Variants in GPR84 observed in about 807,000 individuals in gnomAD.
GPR84 encodes the protein G-protein coupled receptor 84.
GPR84 carries 8 observed loss-of-function variants against 14.9 expected under a neutral mutation model. The ratio of observed to expected loss-of-function variants is 0.54; its 90% CI spans 0.31 to 0.97. The LOEUF (loss-of-function observed/expected upper bound fraction) is 0.97. GPR84 is among the 50% of genes least tolerant of loss of function. The pLI is 0.04. For missense variants in GPR84, 424 were observed against 498.7 expected (o/e 0.85, Z 1.43); for synonymous variants, 164 against 198.1 (o/e 0.83, Z 1.45).
At chr12:54,352,322 C>T in the GPR84 span, among the ~76,000 whole-genome samples, 1 of 152,168 alleles carries the variant, frequency 6.6e-6, no homozygotes, top group African/African-American at 2.4e-5. Context: ...TTCCCCGTCC[C>T]TCCAGAGCCT....
the GPR84 span, among the ~76,000 whole-genome samples, chr12:54,354,142 T>A: frequency 6.7e-6 from 1 of 149,596 alleles, no homozygotes; most frequent in Non-Finnish European, 1.5e-5. Flanking sequence ...TGAGACAGGG[T>A]CTCACTCTGT....
downstream of GPR84, among the ~76,000 whole-genome samples, chr12:54,359,440 C>T (rs2137126203): frequency 6.9e-6 from 1 of 144,014 alleles, no homozygotes; most frequent in South Asian, 2.3e-4. Context: ...GGGAGCGCGG[C>T]AGCGGGGATT....
At chr12:54,359,869 T>G (rs1200149415), downstream of GPR84, among the ~76,000 whole-genome samples, 1 of 151,998 alleles carries the variant, frequency 6.6e-6, no homozygotes, top group African/African-American at 2.4e-5. Flanking sequence ...GGTGGCTGCT[T>G]TTTTGCTAAG....
At chr12:54,356,437 TA>T in the GPR84 span, among the ~76,000 whole-genome samples, 1 of 152,158 alleles carries the variant, frequency 6.6e-6, no homozygotes, top group Non-Finnish European at 1.5e-5. Flanking sequence ...GAGGGAACAG[TA>T]TGATCCAGGA....
downstream of GPR84, among the ~76,000 whole-genome samples, chr12:54,359,287 G>T (rs145102778): frequency 6.6e-6 from 1 of 152,318 alleles, no homozygotes; most frequent in East Asian, 1.9e-4. Flanking sequence ...CCAATGAGAG[G>T]CGGCGTTAAA....
chr12:54,362,995 A>C lies in GPR84; in HGVS notation c.857T>G (p.Met286Arg). ...TGCTTCTGGAGGGCTTTTCTCTGCC[A>C]TCTGCTTAGCTCTCTTGCTGTTGAT... ...DQINSKRAKQ[M>R]AEKSPPEASA... is the part of the protein sequence containing the mutation. The change falls in exon 2 of 2, where the codon ATG (methionine) becomes AGG (arginine). Residue 286 changes from methionine to arginine, a missense_variant. Physicochemically the swap from Met to Arg is moderately conservative, Grantham distance 91. Coordinates refer to ENST00000267015, the MANE Select transcript of GPR84 (RefSeq NM_020370.3). The surrounding 1 kb of genome is among the most constrained non-coding windows in gnomAD (Gnocchi z 4.0). The C allele has an allele frequency of 6.2e-7, 1 of 1,614,192 alleles. No homozygotes were observed. The highest frequency in any genetic ancestry group is 1.6e-4 in the Middle Eastern group (1 of 6,062).
downstream of GPR84, among the ~76,000 whole-genome samples, chr12:54,358,739 C>T (rs1166696940): frequency 6.6e-6 from 1 of 152,076 alleles, no homozygotes; most frequent in East Asian, 1.9e-4. Context: ...TCTTTCTTCT[C>T]GGATCTTGGA....
In GPR84 at chr12:54,363,308, G is replaced by A. The variant is rs1954291867; in HGVS notation, c.544C>T (p.Leu182Phe). The change falls in exon 2 of 2, where the codon CTC (leucine) becomes TTC (phenylalanine). Residue 182 changes from leucine to phenylalanine, a missense_variant. Coordinates refer to ENST00000267015, the MANE Select transcript of GPR84 (RefSeq NM_020370.3). ...RIRGRPYTTI[L>F]MGIYFVLGLS... ...CCAAGCACAAAGTAGATGCCCATGAGGATGGTGGTGTAAGGCCGGCCTCGG... is the reference window on the plus strand; with the variant it reads ...CCAAGCACAAAGTAGATGCCCATGAAGATGGTGGTGTAAGGCCGGCCTCGG... 1.9e-6 allele frequency: 3 copies of A among 1,614,062 alleles called. No individual in the cohort carries two copies. The highest frequency in any genetic ancestry group is 2.2e-5 in the East Asian group (1 of 44,904).
the GPR84 span, among the ~76,000 whole-genome samples, chr12:54,357,024 A>C: frequency 1.8e-4 from 28 of 152,312 alleles, 1 homozygote; most frequent in African/African-American, 6.3e-4. Flanking sequence ...AGGCAGATTT[A>C]CAGCCTTGGT....
the GPR84 span, among the ~76,000 whole-genome samples, chr12:54,357,160 A>G: frequency 6.6e-6 from 1 of 152,064 alleles, no homozygotes; most frequent in Non-Finnish European, 1.5e-5. Flanking sequence ...TTCTGACATC[A>G]GCTCCTTCCC....
chr12:54,354,986 C>G, the GPR84 span, among the ~76,000 whole-genome samples: 1 of 151,918 alleles, frequency 6.6e-6, no homozygotes, highest in Admixed American at 6.6e-5. Flanking sequence ...TGAGGTGGGA[C>G]TGAGGTAGGA....
chr12:54,362,675 G>C lies in GPR84; in HGVS notation c.1177C>G (p.His393Asp). The C allele has an allele frequency of 6.2e-7, 1 of 1,605,606 alleles. No homozygotes were observed. Among genetic ancestry groups the C allele is most frequent in the Non-Finnish European group, 8.5e-7 (1 of 1,174,138 alleles). Reference protein sequence around the residue: ...SILKRGPRSFHRLH With the variant: ...SILKRGPRSFDRLH ...GGGTCACAGTTCTAATGGAGCCTAT[G>C]GAAACTCCGGGGCCCTCTTTTTAAA... The change falls in exon 2 of 2, where the codon CAT becomes GAT. Residue 393 changes from histidine to aspartate, a missense_variant. His to Asp is a moderately conservative substitution (Grantham distance 81, BLOSUM62 -1). Transcript: ENST00000267015. This position sits in a 1 kb window ranked among gnomAD's most constrained non-coding sequence, Gnocchi z 4.0.
chr12:54,359,576 C>A (rs1954248378), downstream of GPR84, among the ~76,000 whole-genome samples: 1 of 152,130 alleles, frequency 6.6e-6, no homozygotes, highest in South Asian at 2.1e-4. Context: ...GTCAGAAAGT[C>A]AGGGATAGAG....
At chr12:54,359,289 G>T (rs111756797), downstream of GPR84, among the ~76,000 whole-genome samples, 319 of 152,252 alleles carry the variant, frequency 2.1e-3, 1 homozygote, top group African/African-American at 7.2e-3. Context: ...AATGAGAGGC[G>T]GCGTTAAATC....
chr12:54,355,184 A>G, the GPR84 span, among the ~76,000 whole-genome samples: 1 of 152,118 alleles, frequency 6.6e-6, no homozygotes, highest in African/African-American at 2.4e-5. Flanking sequence ...AGACACAAAG[A>G]AGGAAGGCAA....
Position 54,363,273 on chromosome 12 carries a change from A to G in GPR84, c.579T>C (p.Ser193=). The G allele has an allele frequency of 1.9e-6, 3 of 1,614,098 alleles. No individual in the cohort carries two copies. The highest frequency in any genetic ancestry group is 1.1e-5 in the South Asian group (1 of 91,090). ...GGATGAGGCAATAGAAGATGCCAAC[A>G]CTGCTGAGCCCAAGCACAAAGTAGA... The part of the protein sequence containing the change: ...MGIYFVLGLS[S]VGIFYCLIHR... The change falls in exon 2 of 2, where the codon AGT becomes AGC. Residue 193 remains serine, a synonymous_variant. Coordinates refer to ENST00000267015, the MANE Select transcript of GPR84 (RefSeq NM_020370.3).
the GPR84 span, chr12:54,351,860 ATGTTTC>A: frequency 6.6e-6 from 1 of 152,142 alleles, no homozygotes; most frequent in Non-Finnish European, 1.5e-5. Context: ...CCTTTGTGTG[ATGTTTC>A]TGTTTCTCTT....
At chr12:54,351,442 C>T in the GPR84 span, 3 of 152,368 alleles carry the variant, frequency 2.0e-5, no homozygotes, top group Non-Finnish European at 4.4e-5. Context: ...TTACTCTCTG[C>T]CGTGGGTCTG....
At chr12:54,353,379 G>A in the GPR84 span, among the ~76,000 whole-genome samples, 5 of 151,854 alleles carry the variant, frequency 3.3e-5, no homozygotes, top group Non-Finnish European at 7.4e-5. Flanking sequence ...TGGGAAAGTG[G>A]CTACAGCCTG....
Sources: allele counts gnomAD v4.1 joint callset (sites outside exome capture counted in the v4.1 genomes callset), GRCh38; gene constraint gnomAD v4.1.1; non-coding constraint Gnocchi (gnomAD v3.1); transcripts MANE v1.5; gene names NCBI Gene and HGNC (gene_info 2026-07-23, HGNC 2026-07-21).